PLEKHA5: variants seen among roughly 807,000 people sequenced by gnomAD.
PLEKHA5 encodes pleckstrin homology domain-containing family A member 5.
In PLEKHA5, 55 loss-of-function variants were observed where a neutral mutation model predicts 181.9. That is an observed-to-expected ratio of 0.30 (90% CI 0.24 to 0.38). The LOEUF (loss-of-function observed/expected upper bound fraction) is 0.38. Among genes scored for constraint, PLEKHA5 ranks in the 10% least tolerant of loss-of-function variants. The pLI is 1.00. For synonymous variants in PLEKHA5, 535 were observed against 529.4 expected (o/e 1.01, Z -0.15); for missense variants, 1,432 against 1,549.5 (o/e 0.92, Z 1.27).
At chr12:19,254,089 T>C in intron 4 of PLEKHA5, 66 bp downstream of exon 4, 1 of 918,528 alleles carries the variant, frequency 1.1e-6, no homozygotes, top group Non-Finnish European at 1.7e-6. Context: ...TGCTGTTATT[T>C]ATATTTCAAT....
At chr12:19,253,716 A>G (rs2066046544) in intron 3 of PLEKHA5, among the ~76,000 whole-genome samples, 1 of 151,990 alleles carries the variant, frequency 6.6e-6, no homozygotes, top group Non-Finnish European at 1.5e-5. Context: ...GCTACTTGGG[A>G]GGCTGAGGCA....
chr12:19,140,052 A>C (rs1408450307), intron 3 of PLEKHA5, among the ~76,000 whole-genome samples: 1 of 152,202 alleles, frequency 6.6e-6, no homozygotes, highest in Non-Finnish European at 1.5e-5. Flanking sequence ...TCACTCACTC[A>C]TGTGTTCTTC....
At chr12:19,332,255 C>A (rs1343605450) in intron 20 of PLEKHA5, among the ~76,000 whole-genome samples, 1 of 152,118 alleles carries the variant, frequency 6.6e-6, no homozygotes, top group Non-Finnish European at 1.5e-5. Context: ...GCCTGGGCAG[C>A]AGAGCAAAAC....
rs551813780 is a variant in PLEKHA5 at position 19,215,443 on chromosome 12, T to C, written c.228-38497T>C. On this transcript the variant is annotated intron_variant, in intron 3 of 31. Coordinates refer to ENST00000429027, the MANE Select transcript of PLEKHA5 (RefSeq NM_001256470.2). ...CCAGGGAAATATGTCCTCTGACATG[T>C]TAACAGCTAACATTTTATCCTCATG... Among the ~76,000 whole-genome samples the C allele has an allele frequency of 2.0e-5, 3 of 152,344 alleles. No individual in the cohort carries two copies. The South Asian group carries it at 6.2e-4, about 32-fold the overall frequency.
intron 3 of PLEKHA5, among the ~76,000 whole-genome samples, chr12:19,251,533 T>G (rs1222636121): frequency 6.6e-6 from 1 of 151,942 alleles, no homozygotes; most frequent in Non-Finnish European, 1.5e-5. Flanking sequence ...AGATATACAT[T>G]TTGTGTATTC....
intron 3 of PLEKHA5, among the ~76,000 whole-genome samples, chr12:19,137,202 A>AT (rs1164097874): frequency 6.6e-6 from 1 of 151,876 alleles, no homozygotes; most frequent in African/African-American, 2.4e-5. Context: ...CGCCTGGCTA[A>AT]TTTTTTGTAT....
intron 25 of PLEKHA5, among the ~76,000 whole-genome samples, chr12:19,350,319 T>C (rs180781343): frequency 2.6e-5 from 4 of 152,206 alleles, no homozygotes; most frequent in African/African-American, 9.6e-5. Context: ...TCTGCCACTT[T>C]TAAAGGATTC....
At chr12:19,262,766 C>T (rs1398605443) in intron 7 of PLEKHA5, among the ~76,000 whole-genome samples, 1 of 152,166 alleles carries the variant, frequency 6.6e-6, no homozygotes, top group Admixed American at 6.5e-5. Context: ...ATAGTACCAA[C>T]TGGGTACTGT....
chr12:19,200,224 C>A (rs1418348089), intron 3 of PLEKHA5: 1 of 792,726 alleles, frequency 1.3e-6, no homozygotes. Context: ...CATGCAGCAA[C>A]AAAAGTATCA....
chr12:19,245,649 A>C (rs917412121), intron 3 of PLEKHA5, among the ~76,000 whole-genome samples: 1 of 143,940 alleles, frequency 6.9e-6, no homozygotes, highest in African/African-American at 2.6e-5. Flanking sequence ...AATAGCTTGA[A>C]CCCGGAGACA....
chr12:19,184,014 C>T (rs1169955911), intron 3 of PLEKHA5, among the ~76,000 whole-genome samples: 1 of 152,152 alleles, frequency 6.6e-6, no homozygotes, highest in Non-Finnish European at 1.5e-5. Flanking sequence ...TGTGCCTGGT[C>T]TTATAAGGAA....
At chr12:19,168,397 A>G (rs1438416391) in intron 3 of PLEKHA5, among the ~76,000 whole-genome samples, 1 of 152,182 alleles carries the variant, frequency 6.6e-6, no homozygotes, top group Non-Finnish European at 1.5e-5. Flanking sequence ...AAAGTGAATT[A>G]TATCTTATTT....
At chr12:19,258,758 T>A (rs1351473898) in intron 6 of PLEKHA5, among the ~76,000 whole-genome samples, 1 of 151,560 alleles carries the variant, frequency 6.6e-6, no homozygotes, top group Non-Finnish European at 1.5e-5. Context: ...TAGAGACGGG[T>A]TTTCACCACC....
At chr12:19,161,977 CTG>C (rs962362917) in intron 3 of PLEKHA5, among the ~76,000 whole-genome samples, 3 of 152,098 alleles carry the variant, frequency 2.0e-5, no homozygotes, top group African/African-American at 7.2e-5. Flanking sequence ...TCTGCAATAA[CTG>C]TAATTTGATA....
Position 19,343,374 on chromosome 12 carries a change from A to G in PLEKHA5, c.2602A>G (p.Ile868Val), listed in dbSNP as rs2094083778. ...ACAGATTCAGAAAGAACTTTGGCGA[A>G]TTCAGGATGTCATGGAAGGGCTGAG... ...RAQIQKELWRIQDVMEGLSKH... is the reference protein window; with the variant it reads ...RAQIQKELWRVQDVMEGLSKH... The change falls in exon 22 of 32, where the codon ATT becomes GTT. Residue 868 changes from isoleucine (I) to valine (V), a missense_variant. By Grantham distance (29) the Ile-to-Val change is conservative (BLOSUM62 3). Transcript: ENST00000429027. The G allele has an allele frequency of 6.2e-7, 1 of 1,614,004 alleles. No individual in the cohort carries two copies. The highest frequency in any genetic ancestry group is 1.1e-5 in the South Asian group (1 of 91,080).
At chr12:19,245,385 T>A (rs1158169685) in intron 3 of PLEKHA5, among the ~76,000 whole-genome samples, 1 of 152,172 alleles carries the variant, frequency 6.6e-6, no homozygotes, top group African/African-American at 2.4e-5. Flanking sequence ...GTTAGCTCGC[T>A]CACCATAGTA....
At chr12:19,356,835 A>G (rs1205918309) in intron 26 of PLEKHA5, among the ~76,000 whole-genome samples, 3 of 151,132 alleles carry the variant, frequency 2.0e-5, no homozygotes, top group South Asian at 2.1e-4. Context: ...TAATTTCTGT[A>G]TTTTTAGTAG....
At chr12:19,166,448 T>C (rs2044404369) in intron 3 of PLEKHA5, among the ~76,000 whole-genome samples, 1 of 152,206 alleles carries the variant, frequency 6.6e-6, no homozygotes, top group Non-Finnish European at 1.5e-5. Flanking sequence ...GGCTGTCTTT[T>C]CCTGCGGGTT....
chr12:19,202,140 C>A, intron 3 of PLEKHA5: 1 of 310,886 alleles, frequency 3.2e-6, no homozygotes, highest in Non-Finnish European at 4.7e-6. Flanking sequence ...GAGTTCACTG[C>A]CTTTTAGGTC....
Sources: allele counts gnomAD v4.1 joint callset (sites outside exome capture counted in the v4.1 genomes callset), GRCh38; gene constraint gnomAD v4.1.1; transcripts MANE v1.5; gene names NCBI Gene and HGNC (gene_info 2026-07-23, HGNC 2026-07-21).